The following PHF14 variants were observed in gnomAD, a reference collection of about 807,000 sequenced individuals.
PHF14 encodes PHD finger protein 14.
PHF14 carries 55 observed loss-of-function variants against 117.9 expected under a neutral mutation model. That is an observed-to-expected ratio of 0.47 (90% CI 0.38 to 0.58). The LOEUF is 0.58. Ranked by LOEUF, PHF14 falls within the 20% of genes least tolerant of loss-of-function variation. PHF14 has a pLI of 0.00. For missense variants in PHF14, 978 were observed against 1,122.2 expected, an observed-to-expected ratio of 0.87 and a Z score of 1.84; for synonymous variants, 409 against 368.6, an observed-to-expected ratio of 1.11 and a Z score of -1.26.
chr7:11,075,139 G>A lies in PHF14; in HGVS notation c.2654+13054G>A, dbSNP rs142718465. ...TTTTTAGAAGAGACAGAGTTTCACCGTGTTGCCCAGGCTGGTCTCAAACTC... is the reference window on the plus strand; with the variant it reads ...TTTTTAGAAGAGACAGAGTTTCACCATGTTGCCCAGGCTGGTCTCAAACTC... On this transcript the variant is annotated intron_variant, in intron 16 of 17. Transcript: ENST00000634607. 9.9e-3 allele frequency among the ~76,000 whole-genome samples: 1,497 copies of A among 151,792 alleles called. 23 individuals carry two copies. The highest frequency in any genetic ancestry group is 0.034 in the African/African-American group (1,426 of 41,370).
chr7:11,102,784 A>G, intron 16 of PHF14: 1 of 1,360,912 alleles, frequency 7.3e-7, no homozygotes, highest in Non-Finnish European at 9.5e-7. Flanking sequence ...TGCACTTATC[A>G]GAAATATTTG....
intron 13 of PHF14, among the ~76,000 whole-genome samples, chr7:11,047,226 G>A (rs1034930426): frequency 6.6e-6 from 1 of 151,756 alleles, no homozygotes; most frequent in South Asian, 2.1e-4. Flanking sequence ...GTGCCACCAC[G>A]CCCAGCTAAT....
intron 17 of PHF14, among the ~76,000 whole-genome samples, chr7:11,142,947 C>T (rs2128351589): frequency 1.3e-5 from 2 of 152,046 alleles, no homozygotes; most frequent in South Asian, 4.2e-4. Flanking sequence ...AAATTGTAGC[C>T]CTATAATTTA....
Position 10,974,337 on chromosome 7 carries a change from G to C in PHF14, c.1+13G>C. ...CACGGATTCCTTAGTAAGTGTATCC[G>C]AGGCCTCTGCGGCGAGAGGTCCATT... On this transcript the variant is annotated intron_variant, in intron 1 of 17. Coordinates refer to ENST00000634607, the MANE Select transcript of PHF14 (RefSeq NM_001007157.2). 6.3e-7 allele frequency: 1 copy of C among 1,588,968 alleles called. No homozygotes were observed. Among genetic ancestry groups the C allele is most frequent in the Non-Finnish European group, 8.6e-7 (1 of 1,166,632 alleles).
At position 11,019,383 on chromosome 7, in the gene PHF14, T is replaced by G. The variant is rs142771678; in HGVS notation, c.1206-3485T>G. ...AGGTCAAGCAGTCCCAGGCTTTTCT[T>G]TACCGGGAGACTTTATTATGGCTTC... On this transcript the variant is annotated intron_variant, in intron 5 of 17. Transcript: ENST00000634607. Among the ~76,000 whole-genome samples, 304 of 152,240 alleles carry G rather than the reference T, an allele frequency of 2.0e-3. 1 individual carries two copies. The highest frequency in any genetic ancestry group is 7.1e-3 in the African/African-American group (297 of 41,562).
At chr7:11,115,877 T>A (rs1787587500) in intron 17 of PHF14, among the ~76,000 whole-genome samples, 1 of 152,076 alleles carries the variant, frequency 6.6e-6, no homozygotes, top group Non-Finnish European at 1.5e-5. Flanking sequence ...AAATATTTTC[T>A]TGTGGTTTAG....
rs1274783601 is a variant in PHF14 at position 11,133,387 on chromosome 7, G to T, written c.2772+21920G>T. Among the ~76,000 whole-genome samples, 5 of 151,964 alleles carry T rather than the reference G, an allele frequency of 3.3e-5. No homozygotes were observed. The South Asian group carries it at 8.3e-4, about 25-fold the overall frequency. On this transcript the variant is annotated intron_variant, in intron 17 of 17. Coordinates refer to ENST00000634607, the MANE Select transcript of PHF14 (RefSeq NM_001007157.2). ...AAACAGAATAGAGAGCCCAGAGATA[G>T]ACCCACATAAGTATAGTTAACTGAT...
intron 16 of PHF14, among the ~76,000 whole-genome samples, chr7:11,086,497 A>T (rs551375593): frequency 2.0e-5 from 3 of 152,292 alleles, no homozygotes; most frequent in African/African-American, 7.2e-5. Context: ...ACTTATACTT[A>T]GTCCATATGT....
chr7:11,046,941 A>C (rs772761694), intron 13 of PHF14, among the ~76,000 whole-genome samples: 1 of 152,132 alleles, frequency 6.6e-6, no homozygotes, highest in Non-Finnish European at 1.5e-5. Context: ...AGAAAAAAGT[A>C]AATCATGAAT....
chr7:10,997,882 C>T (rs1782716926), intron 4 of PHF14, among the ~76,000 whole-genome samples: 1 of 152,160 alleles, frequency 6.6e-6, no homozygotes, highest in African/African-American at 2.4e-5. Flanking sequence ...ACAACCATTT[C>T]TGCCATATTC....
rs1219331330 is a variant in PHF14, at chr7:11,093,559, A to T, written c.2655-17791A>T. Among the ~76,000 whole-genome samples, 27 of 152,058 alleles carry T rather than the reference A, an allele frequency of 1.8e-4. 1 individual carries two copies. The highest frequency in any genetic ancestry group is 1.8e-3 in the Admixed American group (27 of 15,274). On this transcript the variant is annotated intron_variant, in intron 16 of 17. Transcript: ENST00000634607. The stretch of plus-strand genomic sequence containing the variant: ...TTCGTCATTTGTACTCCCCTGTTAA[A>T]TTTCACCTTTCTCTGTATGCCTGTG...
chr7:11,046,451 T>C (rs1583408029), intron 13 of PHF14, among the ~76,000 whole-genome samples: 2 of 152,186 alleles, frequency 1.3e-5, no homozygotes, highest in South Asian at 4.1e-4. Flanking sequence ...GTCTTTATTT[T>C]ATGATGAAAA....
chr7:10,992,057 G>GTTTTTTTTTT, intron 4 of PHF14, among the ~76,000 whole-genome samples: 1 of 151,558 alleles, frequency 6.6e-6, no homozygotes, highest in South Asian at 2.1e-4. Flanking sequence ...TTCTTTCATA[G>GTTTTTTTTTT]TTGTATTTTT....
At chr7:11,063,647 G>C in intron 16 of PHF14, 2 of 973,624 alleles carry the variant, frequency 2.1e-6, no homozygotes, top group Non-Finnish European at 2.4e-6. Context: ...GTAGGACTTA[G>C]AGGTTTTTAT....
At chr7:11,150,081 G>T (rs146375311) in intron 17 of PHF14, among the ~76,000 whole-genome samples, 1 of 152,194 alleles carries the variant, frequency 6.6e-6, no homozygotes, top group East Asian at 1.9e-4. Flanking sequence ...AGTCACGGAA[G>T]ATTTACATAG....
chr7:11,010,175 G>A (rs968525487), intron 4 of PHF14, among the ~76,000 whole-genome samples: 1 of 151,876 alleles, frequency 6.6e-6, no homozygotes, highest in African/African-American at 2.4e-5. Flanking sequence ...ATGTGGTATT[G>A]CATAGCACAT....
At chr7:11,091,743 G>A (rs1407779240) in intron 16 of PHF14, among the ~76,000 whole-genome samples, 1 of 152,168 alleles carries the variant, frequency 6.6e-6, no homozygotes, top group Non-Finnish European at 1.5e-5. Flanking sequence ...GGGTGACGGA[G>A]CGAGACCCTT....
At chr7:11,114,602 C>G (rs930426307) in intron 17 of PHF14, among the ~76,000 whole-genome samples, 1 of 152,014 alleles carries the variant, frequency 6.6e-6, no homozygotes, top group Non-Finnish European at 1.5e-5. Flanking sequence ...ATTTATTATA[C>G]CCATACCCAT....
chr7:11,113,807 G>A (rs1260942241), intron 17 of PHF14, among the ~76,000 whole-genome samples: 1 of 152,128 alleles, frequency 6.6e-6, no homozygotes, highest in Non-Finnish European at 1.5e-5. Flanking sequence ...AGCCTAAGAA[G>A]AAAGCATTGA....
Sources: allele counts gnomAD v4.1 joint callset (sites outside exome capture counted in the v4.1 genomes callset), GRCh38; gene constraint gnomAD v4.1.1; transcripts MANE v1.5; gene names NCBI Gene and HGNC (gene_info 2026-07-23, HGNC 2026-07-21).